The following PTPRK variants were observed in gnomAD, a reference collection of about 807,000 sequenced individuals.
PTPRK encodes protein tyrosine phosphatase receptor type K, also known as receptor-type tyrosine-protein phosphatase kappa.
A neutral mutation model predicts 178.0 loss-of-function variants in PTPRK; 75 were observed. The observed-to-expected ratio is 0.42, with a 90% confidence interval of 0.35 to 0.51. The LOEUF (loss-of-function observed/expected upper bound fraction) is 0.51. Among genes scored for constraint, PTPRK ranks in the 20% least tolerant of loss-of-function variants. The pLI is 0.02. For synonymous variants in PTPRK, 637 were observed against 620.6 expected (o/e 1.03, Z -0.39); for missense variants, 1,441 against 1,797.8 (o/e 0.80, Z 3.59).
chr6:128,152,067 A>C (rs1045511331), intron 7 of PTPRK, among the ~76,000 whole-genome samples: 1 of 152,044 alleles, frequency 6.6e-6, no homozygotes, highest in East Asian at 1.9e-4. Flanking sequence ...TATCTCTGAA[A>C]AGGCATAGGA....
chr6:128,341,400 A>C (rs915022915), intron 2 of PTPRK, among the ~76,000 whole-genome samples: 1 of 152,220 alleles, frequency 6.6e-6, no homozygotes, highest in African/African-American at 2.4e-5. Flanking sequence ...TAATAAACTC[A>C]GACTCAAACA....
chr6:128,393,723 GAAGT>G (rs1268230368), intron 2 of PTPRK, among the ~76,000 whole-genome samples: 1 of 152,170 alleles, frequency 6.6e-6, no homozygotes, highest in Non-Finnish European at 1.5e-5. Context: ...AAGAAAACTA[GAAGT>G]TTGGACCCAT....
At chr6:128,447,093 ATCCCAC>A (rs1847132146) in intron 1 of PTPRK, among the ~76,000 whole-genome samples, 1 of 152,178 alleles carries the variant, frequency 6.6e-6, no homozygotes, top group East Asian at 1.9e-4. Flanking sequence ...AATGTTTATC[ATCCCAC>A]TTTAATGAAA....
At chr6:128,517,625 C>G (rs1002522733) in intron 1 of PTPRK, among the ~76,000 whole-genome samples, 2 of 152,076 alleles carry the variant, frequency 1.3e-5, no homozygotes, top group Non-Finnish European at 2.9e-5. Context: ...AAAAAAGTCA[C>G]AATAATGAAA....
At position 128,464,643 on chromosome 6, in the gene PTPRK, A is replaced by ATATATATATATGTG. The variant is rs1176235300; in HGVS notation, c.100+55615_100+55616insCACATATATATATA. Among the ~76,000 whole-genome samples the ATATATATATATGTG allele has an allele frequency of 3.9e-4, 32 of 81,042 alleles. 1 individual carries two copies. In the East Asian group the frequency reaches 4.3e-3, roughly 11 times the overall value. The allele number at this position is 81,042 out of a possible 152,430, so 53.2% of individuals were successfully genotyped here. ...TACATATATATATATATACACATAT[A>ATATATATATATGTG]TATATATATATATATATATATATAT... is the stretch of plus-strand genomic sequence containing the variant. On this transcript the variant is annotated intron_variant, in intron 1 of 29. Transcript: ENST00000368226.
chr6:128,475,649 A>C (rs533925874), intron 1 of PTPRK, among the ~76,000 whole-genome samples: 30 of 152,160 alleles, frequency 2.0e-4, no homozygotes, highest in African/African-American at 7.2e-4. Context: ...AATTCATAAG[A>C]AACAAGGTTG....
intron 1 of PTPRK, among the ~76,000 whole-genome samples, chr6:128,423,085 C>T (rs749622847): frequency 6.6e-6 from 1 of 152,164 alleles, no homozygotes; most frequent in African/African-American, 2.4e-5. Context: ...GCAACAGCTG[C>T]GATTAGCAAT....
At chr6:128,405,002 A>G (rs948784258) in intron 1 of PTPRK, among the ~76,000 whole-genome samples, 3 of 152,126 alleles carry the variant, frequency 2.0e-5, no homozygotes, top group Admixed American at 2.0e-4. Context: ...CATTCCATCC[A>G]TTTGGTAGCA....
At chr6:128,369,654 A>G (rs530258832) in intron 2 of PTPRK, among the ~76,000 whole-genome samples, 2 of 152,308 alleles carry the variant, frequency 1.3e-5, no homozygotes, top group East Asian at 3.9e-4. Context: ...TGAGAAGCTG[A>G]ATAGATTATG....
At chr6:128,131,306 T>C (rs969634613) in intron 7 of PTPRK, among the ~76,000 whole-genome samples, 3 of 152,100 alleles carry the variant, frequency 2.0e-5, no homozygotes, top group Admixed American at 1.3e-4. Flanking sequence ...ACTTCTCTGG[T>C]AGCAAAAAAC....
intron 3 of PTPRK, among the ~76,000 whole-genome samples, chr6:128,317,645 ATTATT>A (rs1828197937): frequency 6.6e-6 from 1 of 152,122 alleles, no homozygotes; most frequent in South Asian, 2.1e-4. Flanking sequence ...TATTATTATT[ATTATT>A]TTGAGAATAG....
chr6:127,983,065 C>G lies in PTPRK; in HGVS notation c.3388-85G>C, dbSNP rs549880601. On this transcript the variant is annotated intron_variant, in intron 23 of 29. Coordinates refer to ENST00000368226, the MANE Select transcript of PTPRK (RefSeq NM_002844.4). ...AAAGTTAGGAAATACAGAAAATTTT[C>G]TCTATATGGAAATATGAATTAAAAC... The G allele has an allele frequency of 2.1e-6, 3 of 1,421,558 alleles. No individual in the cohort carries two copies. The South Asian group carries it at 4.0e-5, about 19-fold the overall frequency. The allele number at this position is 1,421,558 out of a possible 1,614,324, so 88.1% of individuals were successfully genotyped here.
intron 3 of PTPRK, among the ~76,000 whole-genome samples, chr6:128,306,322 G>C (rs952303070): frequency 6.6e-5 from 10 of 152,160 alleles, no homozygotes; most frequent in African/African-American, 2.4e-4. Flanking sequence ...CCAGTTAGTG[G>C]AGCAATGGAT....
chr6:128,230,987 C>T (rs936496180), intron 5 of PTPRK: 3 of 152,100 alleles, frequency 2.0e-5, no homozygotes, highest in Non-Finnish European at 4.4e-5. Flanking sequence ...GAAAAGAAAG[C>T]TTTATATCTG....
chr6:128,488,261 T>C (rs1471137389), intron 1 of PTPRK, among the ~76,000 whole-genome samples: 3 of 152,152 alleles, frequency 2.0e-5, no homozygotes, highest in Admixed American at 1.3e-4. Flanking sequence ...CTCTGTTAAT[T>C]CCACTTTCTT....
chr6:128,011,782 A>G (rs769700310), intron 13 of PTPRK, among the ~76,000 whole-genome samples: 1 of 151,204 alleles, frequency 6.6e-6, no homozygotes, highest in Non-Finnish European at 1.5e-5. Flanking sequence ...CAGAAATAAA[A>G]AGCCAAATCT....
chr6:128,139,538 G>T (rs1161176106), intron 7 of PTPRK, among the ~76,000 whole-genome samples: 3 of 152,032 alleles, frequency 2.0e-5, no homozygotes, highest in Non-Finnish European at 4.4e-5. Flanking sequence ...CTTTGAGGAA[G>T]GTCTTTTGAA....
chr6:128,387,078 T>A (rs1320914159), intron 2 of PTPRK, among the ~76,000 whole-genome samples: 1 of 151,966 alleles, frequency 6.6e-6, no homozygotes, highest in Non-Finnish European at 1.5e-5. Context: ...AATAAATAAA[T>A]AAATAAATCA....
At chr6:128,026,009 C>A (rs921069816) in intron 13 of PTPRK, among the ~76,000 whole-genome samples, 1 of 152,156 alleles carries the variant, frequency 6.6e-6, no homozygotes, top group African/African-American at 2.4e-5. Context: ...ATTCAGCCTA[C>A]TAAAATCTAT....
Sources: gnomAD v4.1 joint callset for allele counts (sites outside exome capture counted in the v4.1 genomes callset) on GRCh38, gnomAD v4.1.1 for gene constraint, MANE v1.5 for transcripts, NCBI Gene and HGNC (gene_info 2026-07-23, HGNC 2026-07-21) for gene names.